Variants in JPH2 observed in about 807,000 individuals in gnomAD.
The protein encoded by JPH2 is junctophilin 2.
In JPH2, 38 loss-of-function variants were observed where a neutral mutation model predicts 55.9. The observed-to-expected ratio is 0.68, with a 90% CI of 0.52 to 0.89. JPH2 has a LOEUF of 0.89. JPH2 is among the 40% of genes least tolerant of loss of function. The pLI, the probability that JPH2 is intolerant of heterozygous loss-of-function variation, is 0.00. For synonymous variants in JPH2, 480 were observed against 472.4 expected (o/e 1.02, Z -0.21); for missense variants, 964 against 1,037.6 (o/e 0.93, Z 0.97).
At chr20:44,126,986 C>T (rs917062485) in intron 2 of JPH2, among the ~76,000 whole-genome samples, 4 of 152,302 alleles carry the variant, frequency 2.6e-5, no homozygotes, top group African/African-American at 4.8e-5. Context: ...GAACTGAGCA[C>T]GTAACAAATA....
chr20:44,147,989 C>G (rs543380393), intron 2 of JPH2, among the ~76,000 whole-genome samples: 23 of 152,220 alleles, frequency 1.5e-4, no homozygotes, highest in African/African-American at 5.5e-4. Context: ...ATGGTGAAAC[C>G]TTGTTTCTAC....
At chr20:44,118,676 C>A in intron 2 of JPH2, 53 bp from the exon 3 acceptor site, 2 of 1,399,772 alleles carry the variant, frequency 1.4e-6, no homozygotes, top group Non-Finnish European at 2.0e-6. Flanking sequence ...AACCAGCCTT[C>A]TGCCCCTTCT....
intron 1 of JPH2, among the ~76,000 whole-genome samples, chr20:44,171,633 C>T (rs2072699294): frequency 6.6e-6 from 1 of 152,172 alleles, no homozygotes; most frequent in Admixed American, 6.5e-5. Context: ...GGTCCCACCT[C>T]CAAGCCTTTG....
At chr20:44,146,294 G>C (rs2072494171) in intron 2 of JPH2, among the ~76,000 whole-genome samples, 2 of 152,128 alleles carry the variant, frequency 1.3e-5, no homozygotes, top group South Asian at 4.2e-4. Context: ...CAGCCTCCCA[G>C]AGTACTGGGA....
At chr20:44,129,301 T>C (rs551959698) in intron 2 of JPH2, among the ~76,000 whole-genome samples, 1 of 152,254 alleles carries the variant, frequency 6.6e-6, no homozygotes, top group East Asian at 1.9e-4. Context: ...ACACCTATAA[T>C]CCCAGCACTT....
intron 2 of JPH2, among the ~76,000 whole-genome samples, chr20:44,126,160 G>A (rs368218897): frequency 2.3e-5 from 1 of 42,594 alleles, no homozygotes; most frequent in African/African-American, 9.0e-5. Flanking sequence ...GGGAGGGAGG[G>A]AGGGAGGGAG....
At chr20:44,169,541 A>G (rs1454277429) in intron 1 of JPH2, among the ~76,000 whole-genome samples, 2 of 152,210 alleles carry the variant, frequency 1.3e-5, no homozygotes, top group African/African-American at 4.8e-5. Flanking sequence ...TGGGAGATCC[A>G]GAATCCAGTT....
At chr20:44,182,139 A>G in intron 1 of JPH2, among the ~76,000 whole-genome samples, 1 of 152,196 alleles carries the variant, frequency 6.6e-6, no homozygotes, top group East Asian at 1.9e-4. Context: ...TGGCAGGGCC[A>G]GGAGAATGAC....
intron 2 of JPH2, among the ~76,000 whole-genome samples, chr20:44,124,076 G>A (rs868000509): frequency 7.2e-5 from 11 of 152,318 alleles, no homozygotes; most frequent in African/African-American, 2.6e-4. Context: ...GAGGAACAGG[G>A]AGACTCTTCT....
rs558758468 is a variant in JPH2 at position 44,174,688 on chromosome 20, C to T, written c.379+11639G>A. On this transcript the variant is annotated intron_variant, in intron 1 of 5. Transcript: ENST00000372980. ...ACTCGGGAGGCTGAGGCAGGAGAATCGCTTGAACCCAAGAAGCGGAGGTTG... is the reference window on the plus strand; with the variant it reads ...ACTCGGGAGGCTGAGGCAGGAGAATTGCTTGAACCCAAGAAGCGGAGGTTG... Among the ~76,000 whole-genome samples the T allele has an allele frequency of 7.2e-5, 11 of 152,056 alleles. No individual in the cohort carries two copies. The East Asian group carries it at 9.7e-4, about 13-fold the overall frequency.
At chr20:44,166,254 C>G (rs1336590501) in intron 1 of JPH2, among the ~76,000 whole-genome samples, 1 of 152,182 alleles carries the variant, frequency 6.6e-6, no homozygotes, top group Non-Finnish European at 1.5e-5. Flanking sequence ...TAAGGCCCAT[C>G]AAGGACAAAG....
Position 44,116,191 on chromosome 20 carries a change from T to C in JPH2, c.1484A>G (p.Lys495Arg). 7.2e-7 allele frequency: 1 copy of C among 1,390,628 alleles called. No homozygotes were observed. Among genetic ancestry groups the C allele is most frequent in the Non-Finnish European group, 9.2e-7 (1 of 1,084,104 alleles). The allele number at this position is 1,390,628 out of a possible 1,614,324, so 86.1% of individuals were successfully genotyped here. ...PSPAGTPPQP[K>R]RPRPGVSKDG... ...CTTGGACACCCCGGGCCTGGGCCGCTTGGGCTGCGGGGGCGTCCCGGCCGG... is the reference window on the plus strand; with the variant it reads ...CTTGGACACCCCGGGCCTGGGCCGCCTGGGCTGCGGGGGCGTCCCGGCCGG... The change falls in exon 4 of 6, where the codon AAG becomes AGG. Residue 495 changes from lysine (K) to arginine (R), a missense_variant. Transcript: ENST00000372980.
intron 2 of JPH2, among the ~76,000 whole-genome samples, chr20:44,148,802 G>A (rs1042111139): frequency 6.6e-6 from 1 of 152,052 alleles, no homozygotes; most frequent in African/African-American, 2.4e-5. Context: ...GGTGGCTCAC[G>A]CCTGTAATCC....
chr20:44,177,131 G>A, intron 1 of JPH2: 1 of 985,586 alleles, frequency 1.0e-6, no homozygotes, highest in Non-Finnish European at 1.2e-6. Context: ...AAGTTACACG[G>A]GAGGGAGGTG....
intron 2 of JPH2, among the ~76,000 whole-genome samples, chr20:44,148,983 C>T (rs561634715): frequency 1.4e-4 from 21 of 151,614 alleles, no homozygotes; most frequent in African/African-American, 4.1e-4. Context: ...AGGAGAATGG[C>T]GTGAACCTGG....
chr20:44,137,123 T>A (rs2072418440), intron 2 of JPH2, among the ~76,000 whole-genome samples: 1 of 152,324 alleles, frequency 6.6e-6, no homozygotes, highest in Admixed American at 6.5e-5. Context: ...CCATGAATGT[T>A]AGCTGCTATT....
Position 44,159,949 on chromosome 20 carries a change from C to A in JPH2, c.838G>T (p.Glu280Ter). 6.2e-7 allele frequency: 1 copy of A among 1,606,576 alleles called. No individual in the cohort carries two copies. The highest frequency in any genetic ancestry group is 8.5e-7 in the Non-Finnish European group (1 of 1,178,256). The change falls in exon 2 of 6, where the codon GAG becomes TAG. Residue 280 changes from glutamate (E) to a stop codon, truncating the protein, a stop_gained. Transcript: ENST00000372980. LOFTEE classifies it high-confidence loss of function. The surrounding 1 kb of genome is among the most constrained non-coding windows in gnomAD (Gnocchi z 5.7). ...AEGADEAAPF[E>*]ADIDATTTET... ...GTGGTGGTGGCGTCGATATCGGCCT[C>A]GAAGGGTGCGGCCTCGTCGGCGCCC... is the stretch of plus-strand genomic sequence containing the variant.
chr20:44,176,987 C>T lies in JPH2; in HGVS notation c.379+9340G>A, dbSNP rs1267275055. On this transcript the variant is annotated intron_variant, in intron 1 of 5. Coordinates refer to ENST00000372980, the MANE Select transcript of JPH2 (RefSeq NM_020433.5). Reference sequence around the variant, plus strand: ...CAGCAGTGGCAGGAAGACCTCCAGGCACAAGGTGCTCATTCCTGGCCTGGA... The same window carrying T: ...CAGCAGTGGCAGGAAGACCTCCAGGTACAAGGTGCTCATTCCTGGCCTGGA... 1.5e-5 allele frequency: 15 copies of T among 985,500 alleles called. No individual in the cohort carries two copies. In the East Asian group the frequency reaches 1.5e-3, roughly 97 times the overall value. 61.0% of individuals were successfully genotyped at this position (985,500 alleles called of 1,614,324 possible). A position where few individuals can be genotyped will look rare whatever the true frequency, so the allele number is the denominator to read the frequency against.
intron 2 of JPH2, among the ~76,000 whole-genome samples, chr20:44,136,883 A>C (rs1034579701): frequency 6.6e-6 from 1 of 152,212 alleles, no homozygotes; most frequent in African/African-American, 2.4e-5. Flanking sequence ...GGGTATATTC[A>C]TTCAGTTGTG....
Sources: allele counts gnomAD v4.1 joint callset (sites outside exome capture counted in the v4.1 genomes callset), GRCh38; gene constraint gnomAD v4.1.1; non-coding constraint Gnocchi (gnomAD v3.1); transcripts MANE v1.5; gene names NCBI Gene and HGNC (gene_info 2026-07-23, HGNC 2026-07-21).